C12orf54: variants seen among roughly 807,000 people sequenced by gnomAD.
C12orf54 encodes the protein chromosome 12 open reading frame 54.
A neutral mutation model predicts 26.4 loss-of-function variants in C12orf54; 24 were observed. The observed-to-expected ratio is 0.91, with a 90% CI of 0.66 to 1.28. C12orf54 has a LOEUF of 1.28. Among genes scored for constraint, C12orf54 ranks in the 50% most tolerant of loss-of-function variants. The pLI is 0.00. For missense variants in C12orf54, 154 were observed against 150.9 expected (o/e 1.02, Z -0.11); for synonymous variants, 54 against 47.0 (o/e 1.15, Z -0.61).
chr12:48,413,862 A>G, the C12orf54 span, among the ~76,000 whole-genome samples: 5 of 152,148 alleles, frequency 3.3e-5, no homozygotes, highest in African/African-American at 7.2e-5. Flanking sequence ...TCAGCCAAAG[A>G]TCTTGGCATT....
the C12orf54 span, among the ~76,000 whole-genome samples, chr12:48,429,153 A>G: frequency 6.6e-6 from 1 of 152,106 alleles, no homozygotes; most frequent in Non-Finnish European, 1.5e-5. Flanking sequence ...AAATCGGCAT[A>G]CAAGGAACAT....
At chr12:48,460,662 G>C in the C12orf54 span, among the ~76,000 whole-genome samples, 1 of 152,052 alleles carries the variant, frequency 6.6e-6, no homozygotes, top group African/African-American at 2.4e-5. Context: ...AAAGGCTGTT[G>C]GGATAAATGG....
At chr12:48,462,007 G>C in the C12orf54 span, among the ~76,000 whole-genome samples, 3 of 151,570 alleles carry the variant, frequency 2.0e-5, no homozygotes, top group African/African-American at 4.8e-5. Flanking sequence ...TGGAGGGAGA[G>C]AGATGGATAG....
chr12:48,480,379 G>A (rs1296614238), upstream of C12orf54, among the ~76,000 whole-genome samples: 1 of 152,070 alleles, frequency 6.6e-6, no homozygotes, highest in Non-Finnish European at 1.5e-5. Context: ...CAGATGCATA[G>A]TTTGCAAATA....
chr12:48,413,356 A>G, the C12orf54 span, among the ~76,000 whole-genome samples: 2 of 152,280 alleles, frequency 1.3e-5, no homozygotes, highest in African/African-American at 2.4e-5. Context: ...TGATTTTTCT[A>G]TTAGTTTTTC....
the C12orf54 span, among the ~76,000 whole-genome samples, chr12:48,431,527 C>T: frequency 6.6e-5 from 10 of 152,062 alleles, no homozygotes; most frequent in East Asian, 1.9e-3. Flanking sequence ...AATTACAAAT[C>T]ACCAAAATTG....
chr12:48,447,976 G>A, the C12orf54 span, among the ~76,000 whole-genome samples: 161 of 152,254 alleles, frequency 1.1e-3, no homozygotes, highest in African/African-American at 3.8e-3. Context: ...GAGAAGTAAT[G>A]TGGGCAGCCT....
chr12:48,481,829 G>A (rs566493194), upstream of C12orf54, among the ~76,000 whole-genome samples: 1 of 152,130 alleles, frequency 6.6e-6, no homozygotes, highest in African/African-American at 2.4e-5. Flanking sequence ...ACCTCCCCAT[G>A]TAGGCACAGT....
At chr12:48,477,699 A>G (rs1314779856), upstream of C12orf54, among the ~76,000 whole-genome samples, 1 of 152,216 alleles carries the variant, frequency 6.6e-6, no homozygotes, top group Non-Finnish European at 1.5e-5. Flanking sequence ...TAAACCAGGA[A>G]GAAGTTGAAT....
In C12orf54 at chr12:48,486,669, T is replaced by G; in HGVS notation, c.97-19T>G. 6.2e-7 allele frequency: 1 copy of G among 1,607,928 alleles called. No homozygotes were observed. The highest frequency in any genetic ancestry group is 8.5e-7 in the Non-Finnish European group (1 of 1,174,380). ...AGAGTTGGGATATTGTTTCCAACAT[T>G]TGTTCCTTATTTCTACAGGAAAAAC... On this transcript the variant is annotated intron_variant, in intron 3 of 8. Transcript: ENST00000548364.
At chr12:48,418,735 T>G in the C12orf54 span, among the ~76,000 whole-genome samples, 1 of 152,236 alleles carries the variant, frequency 6.6e-6, no homozygotes, top group Admixed American at 6.5e-5. Flanking sequence ...ATTCAGTTGG[T>G]GTTATTTTAA....
At chr12:48,473,180 G>A in the C12orf54 span, 1 of 1,401,908 alleles carries the variant, frequency 7.1e-7, no homozygotes, top group South Asian at 1.2e-5. Context: ...ACAAGGAGGA[G>A]GATGAGGATG....
At chr12:48,457,216 G>A in the C12orf54 span, among the ~76,000 whole-genome samples, 26 of 151,742 alleles carry the variant, frequency 1.7e-4, no homozygotes, top group East Asian at 2.8e-3. Context: ...CCCCAGGCCC[G>A]AACTCAGAAG....
the C12orf54 span, among the ~76,000 whole-genome samples, chr12:48,430,112 T>C: frequency 1.3e-5 from 2 of 152,108 alleles, no homozygotes; most frequent in African/African-American, 4.8e-5. Context: ...GCTAGCCACA[T>C]GAAACTGGAT....
intron 7 of C12orf54, among the ~76,000 whole-genome samples, chr12:48,494,411 A>C (rs1229816080): frequency 6.6e-6 from 1 of 152,188 alleles, no homozygotes; most frequent in East Asian, 1.9e-4. Flanking sequence ...CATGGAAGGA[A>C]TAAATGAAAA....
the C12orf54 span, among the ~76,000 whole-genome samples, chr12:48,434,007 T>G: frequency 6.6e-6 from 1 of 152,148 alleles, no homozygotes; most frequent in African/African-American, 2.4e-5. Flanking sequence ...GAATTCCCTT[T>G]CCTACTCAAA....
At chr12:48,420,903 ATTTAAT>A in the C12orf54 span, among the ~76,000 whole-genome samples, 20 of 152,230 alleles carry the variant, frequency 1.3e-4, no homozygotes, top group Admixed American at 7.9e-4. Context: ...TGATGGATGG[ATTTAAT>A]TTTAACTCAT....
the C12orf54 span, among the ~76,000 whole-genome samples, chr12:48,433,132 T>C: frequency 6.6e-6 from 1 of 152,090 alleles, no homozygotes; most frequent in African/African-American, 2.4e-5. Flanking sequence ...TCTGGCAAAA[T>C]TTATGTGTGA....
the C12orf54 span, among the ~76,000 whole-genome samples, chr12:48,470,338 G>A: frequency 1.1e-4 from 17 of 152,188 alleles, no homozygotes; most frequent in Admixed American, 5.2e-4. Context: ...TCTTTTCTCC[G>A]CAGCCTCACC....
Sources: allele counts gnomAD v4.1 joint callset (sites outside exome capture counted in the v4.1 genomes callset), GRCh38; gene constraint gnomAD v4.1.1; transcripts MANE v1.5; gene names NCBI Gene and HGNC (gene_info 2026-07-23, HGNC 2026-07-21).